The following GATB variants were observed in gnomAD, a reference collection of about 807,000 sequenced individuals.
GATB encodes the protein glutamyl-tRNA(Gln) amidotransferase subunit B, mitochondrial.
In GATB, 39 loss-of-function variants were observed where a neutral mutation model predicts 62.3. The observed-to-expected ratio is 0.63, with a 90% CI of 0.48 to 0.82. The LOEUF is 0.82. Among genes scored for constraint, GATB ranks in the 40% least tolerant of loss-of-function variants. The pLI is 0.00. For missense variants in GATB, 670 were observed against 684.0 expected, an observed-to-expected ratio of 0.98 and a Z score of 0.23; for synonymous variants, 276 against 258.9, an observed-to-expected ratio of 1.07 and a Z score of -0.63.
At chr4:151,722,304 C>T (rs1431733312) in intron 2 of GATB, 8 of 682,992 alleles carry the variant, frequency 1.2e-5, no homozygotes, top group Admixed American at 6.5e-5. Flanking sequence ...CTCAATGAAT[C>T]CGCAGTGGTG....
Position 151,739,899 on chromosome 4 carries a change from T to G in GATB, c.327+18873A>C, listed in dbSNP as rs187948319. Among the ~76,000 whole-genome samples the G allele has an allele frequency of 5.6e-4, 85 of 152,354 alleles. 1 individual carries two copies. The highest frequency in any genetic ancestry group is 2.0e-3 in the African/African-American group (82 of 41,558). ...GGAGAAAGCCTGCATGAGTTCTTCC[T>G]AATCAACATGCCCACAATGATGGGA... On this transcript the variant is annotated intron_variant, in intron 2 of 12. Coordinates refer to ENST00000263985, the MANE Select transcript of GATB (RefSeq NM_004564.3).
At position 151,716,096 on chromosome 4, in the gene GATB, T is replaced by G; in HGVS notation, c.676A>C (p.Met226Leu). 6.2e-7 allele frequency: 1 copy of G among 1,613,816 alleles called. No individual in the cohort carries two copies. The highest frequency in any genetic ancestry group is 8.5e-7 in the Non-Finnish European group (1 of 1,179,922). The change falls in exon 5 of 13, where the codon ATG becomes CTG. Residue 226 changes from methionine (M) to leucine (L), a missense_variant. Transcript: ENST00000263985. ...GLLEVVLEPDMSCGEEAATAV... is the reference protein window; with the variant it reads ...GLLEVVLEPDLSCGEEAATAV... ...GTTGCCGCCTCTTCTCCACAGGACA[T>G]GTCGGGCTCCAGGACCACCTCCAGA...
At chr4:151,695,930 ATTTTT>A (rs57028979) in intron 9 of GATB, among the ~76,000 whole-genome samples, 1 of 122,836 alleles carries the variant, frequency 8.1e-6, no homozygotes, top group African/African-American at 3.3e-5. Context: ...GCTAATTTAA[ATTTTT>A]TTTTTTTTTT....
Position 151,716,986 on chromosome 4 carries a change from T to C in GATB, c.530A>G (p.Gln177Arg), listed in dbSNP as rs1470358401. 12 of 1,614,060 alleles carry C rather than the reference T, an allele frequency of 7.4e-6. No individual in the cohort carries two copies. The highest frequency in any genetic ancestry group is 1.0e-5 in the Non-Finnish European group (12 of 1,180,020). Reference sequence around the variant, plus strand: ...GATCCTCACCGTCTTGGGGATCACCTGACTCTGCTTCTTCCCTGCACAGAC... The same window carrying C: ...GATCCTCACCGTCTTGGGGATCACCCGACTCTGCTTCTTCCCTGCACAGAC... ...YGVCAGKKQSQVIPKTVRIKQ... is the reference protein window; with the variant it reads ...YGVCAGKKQSRVIPKTVRIKQ... Residue 177 changes from glutamine to arginine, a missense_variant, in exon 4 of 13, where the codon CAG becomes CGG. Gln to Arg is a conservative substitution (Grantham distance 43). Coordinates refer to ENST00000263985, the MANE Select transcript of GATB (RefSeq NM_004564.3).
At chr4:151,672,370 G>A (rs779873619) in intron 12 of GATB, among the ~76,000 whole-genome samples, 6 of 152,096 alleles carry the variant, frequency 3.9e-5, no homozygotes, top group Admixed American at 6.5e-5. Context: ...CTGCTCTGCC[G>A]GCACACCTGC....
chr4:151,713,937 C>T (rs572107992), intron 5 of GATB, among the ~76,000 whole-genome samples: 1 of 152,352 alleles, frequency 6.6e-6, no homozygotes, highest in African/African-American at 2.4e-5. Flanking sequence ...AACACTACCA[C>T]CTACTTCTCA....
At chr4:151,757,623 C>T (rs1215474118) in intron 2 of GATB, among the ~76,000 whole-genome samples, 2 of 152,080 alleles carry the variant, frequency 1.3e-5, no homozygotes. Context: ...CAGGAGCCCA[C>T]CACCATGCCC....
intron 9 of GATB, among the ~76,000 whole-genome samples, chr4:151,694,206 ATAATATATATTTAT>A (rs1443615604): frequency 8.5e-5 from 13 of 152,220 alleles, no homozygotes; most frequent in African/African-American, 3.1e-4. Flanking sequence ...GAAACCTGAA[ATAATATATATTTAT>A]CCTGAAAAGG....
intron 5 of GATB, 97 bp downstream of exon 5, chr4:151,715,912 C>T (rs1033278810): frequency 3.0e-5 from 40 of 1,350,268 alleles, no homozygotes; most frequent in Non-Finnish European, 3.3e-5. Flanking sequence ...CTGCAAACAA[C>T]CTCAATATAA....
intron 2 of GATB, among the ~76,000 whole-genome samples, chr4:151,749,790 C>T (rs1184435023): frequency 6.6e-6 from 1 of 152,176 alleles, no homozygotes; most frequent in Non-Finnish European, 1.5e-5. Flanking sequence ...TCTTTCTCCA[C>T]AGCTCTGGAG....
intron 2 of GATB, among the ~76,000 whole-genome samples, chr4:151,742,895 A>G (rs1025141048): frequency 3.3e-5 from 5 of 152,226 alleles, no homozygotes; most frequent in Non-Finnish European, 7.3e-5. Flanking sequence ...CAGGTAATGG[A>G]ATTACTGAAT....
chr4:151,682,221 T>C (rs1291236359), intron 10 of GATB, among the ~76,000 whole-genome samples: 1 of 152,136 alleles, frequency 6.6e-6, no homozygotes, highest in African/African-American at 2.4e-5. Context: ...TGTCACACAG[T>C]AGGTCATCAT....
intron 5 of GATB, among the ~76,000 whole-genome samples, chr4:151,713,254 A>G (rs1220719761): frequency 6.6e-6 from 1 of 152,168 alleles, no homozygotes; most frequent in African/African-American, 2.4e-5. Context: ...ATATATTACA[A>G]TGTAATAATA....
intron 8 of GATB, 24 bp from the exon 9 acceptor site, chr4:151,701,542 C>T (rs374865013): frequency 2.8e-6 from 4 of 1,423,678 alleles, no homozygotes; most frequent in African/African-American, 2.9e-5. Flanking sequence ...GGAGACGGGA[C>T]CTGAATCTGG....
chr4:151,742,888 G>A (rs1438053339), intron 2 of GATB, among the ~76,000 whole-genome samples: 2 of 152,054 alleles, frequency 1.3e-5, no homozygotes, highest in African/African-American at 4.8e-5. Context: ...AGAACTTCAG[G>A]TAATGGAATT....
chr4:151,673,918 T>C (rs1314325404), intron 11 of GATB: 1 of 152,196 alleles, frequency 6.6e-6, no homozygotes, highest in Non-Finnish European at 1.5e-5. Flanking sequence ...AGCTCTTCCA[T>C]AATTAGCACG....
rs1738923648 is a variant in GATB, at chr4:151,716,909, T to G, written c.607A>C (p.Arg203=). Residue 203 remains arginine (R), a synonymous_variant, in exon 4 of 13, where the codon AGG becomes CGG. Coordinates refer to ENST00000263985, the MANE Select transcript of GATB (RefSeq NM_004564.3). ...DSGKSLHDNL[R]SQTLIDLNRA... is the part of the protein sequence containing the mutation. ...TTCAAATCAATGAGCGTCTGAGACC[T>G]CAGGTTGTCGTGGAGGCTTTTGCCA... 6.2e-7 allele frequency: 1 copy of G among 1,614,230 alleles called. No individual in the cohort carries two copies. The highest frequency in any genetic ancestry group is 8.5e-7 in the Non-Finnish European group (1 of 1,180,042).
intron 2 of GATB, among the ~76,000 whole-genome samples, chr4:151,737,915 T>C (rs1444206153): frequency 6.6e-6 from 1 of 152,190 alleles, no homozygotes; most frequent in East Asian, 1.9e-4. Flanking sequence ...TAGAAATGCC[T>C]GGATGTCCAG....
intron 3 of GATB, 159 bp from the exon 4 acceptor site, chr4:151,717,233 C>T (rs2126978056): frequency 3.1e-6 from 2 of 654,058 alleles, no homozygotes; most frequent in Non-Finnish European, 2.6e-6. Context: ...TGCTGCATTG[C>T]AGCCATCATT....
Sources: allele counts gnomAD v4.1 joint callset (sites outside exome capture counted in the v4.1 genomes callset), GRCh38; gene constraint gnomAD v4.1.1; transcripts MANE v1.5; gene names NCBI Gene and HGNC (gene_info 2026-07-23, HGNC 2026-07-21).